The following ASL variants were observed in gnomAD, a reference collection of about 807,000 sequenced individuals.
The protein encoded by ASL is argininosuccinase.
ASL carries 51 observed loss-of-function variants against 69.1 expected under a neutral mutation model. That is an observed-to-expected ratio of 0.74 (90% CI 0.59 to 0.93). The LOEUF (loss-of-function observed/expected upper bound fraction) is 0.93. ASL is among the 40% of genes least tolerant of loss of function. The pLI is 0.00. For missense variants in ASL, 540 were observed against 623.9 expected, an observed-to-expected ratio of 0.87 and a Z score of 1.43; for synonymous variants, 241 against 247.6, an observed-to-expected ratio of 0.97 and a Z score of 0.25.
intron 14 of ASL, chr7:66,091,730 C>G (rs188153223): frequency 2.1e-6 from 1 of 465,842 alleles, no homozygotes; most frequent in African/African-American, 2.0e-5. Flanking sequence ...AAACAGAAAA[C>G]AAATCCTCCA....
In ASL at chr7:66,093,013, G is replaced by T; in HGVS notation, c.*101G>T. 6.6e-7 allele frequency: 1 copy of T among 1,523,694 alleles called. No individual in the cohort carries two copies. The allele number at this position is 1,523,694 out of a possible 1,614,324, so 94.4% of individuals were successfully genotyped here. ...CCTCGTTGCTGGGCTTTCGGGGCTG[G>T]CCAGTGGGGACAGTCAGGGACTGGA... On this transcript the variant is annotated 3_prime_UTR_variant, in exon 17 of 17. Transcript: ENST00000304874.
intron 5 of ASL, 40 bp from the exon 6 acceptor site, chr7:66,083,037 A>T (rs764262433): frequency 6.2e-7 from 1 of 1,612,524 alleles, no homozygotes; most frequent in Non-Finnish European, 8.5e-7. Flanking sequence ...CAGGGAAGCA[A>T]CACATCGGCC....
Position 66,078,256 on chromosome 7 carries a change from G to A in ASL, c.12+2163G>A, listed in dbSNP as rs191604045. ...CCAGTGATCAGGACCAGGGCCCCAC[G>A]TGGTGCTTTGCTGGAGATCTAGGCT... On this transcript the variant is annotated intron_variant, in intron 2 of 16. Coordinates refer to ENST00000304874, the MANE Select transcript of ASL (RefSeq NM_000048.4). 1.1e-4 allele frequency among the ~76,000 whole-genome samples: 16 copies of A among 152,298 alleles called. No homozygotes were observed. The East Asian group carries it at 2.7e-3, about 26-fold the overall frequency.
chr7:66,076,794 C>A (rs1321204032), intron 2 of ASL, among the ~76,000 whole-genome samples: 1 of 152,146 alleles, frequency 6.6e-6, no homozygotes, highest in African/African-American at 2.4e-5. Flanking sequence ...ATTATGAGGC[C>A]ATTGCTTTGG....
At position 66,076,241 on chromosome 7, in the gene ASL, C is replaced by T. The variant is rs1337335327; in HGVS notation, c.12+148C>T. On this transcript the variant is annotated intron_variant, in intron 2 of 16. Coordinates refer to ENST00000304874, the MANE Select transcript of ASL (RefSeq NM_000048.4). ...AGGAAGCCTGCACCCCCAGCCCTCC[C>T]GGGCGCATCATCTGGAGCCCAGCAG... is the stretch of plus-strand genomic sequence containing the variant. The T allele has an allele frequency of 1.5e-5, 16 of 1,072,472 alleles. No homozygotes were observed. In the African/African-American group the frequency reaches 2.4e-4, roughly 16 times the overall value. 66.4% of individuals were successfully genotyped at this position (1,072,472 alleles called of 1,614,324 possible).
At chr7:66,082,965 G>C in intron 5 of ASL, 29 bp downstream of exon 5, 1 of 1,612,452 alleles carries the variant, frequency 6.2e-7, no homozygotes, top group Non-Finnish European at 8.5e-7. Context: ...CCCCTGCTCC[G>C]TGTTGTCCCA....
chr7:66,089,199 GGGGCCTCT>G (rs759270998), intron 12 of ASL, 24 bp downstream of exon 12: 37 of 1,613,114 alleles, frequency 2.3e-5, no homozygotes, highest in Non-Finnish European at 2.7e-5. Flanking sequence ...GGGGAGGGGC[GGGGCCTCT>G]GGGCTGATGG....
At chr7:66,077,241 C>T (rs1159518835) in intron 2 of ASL, among the ~76,000 whole-genome samples, 1 of 152,040 alleles carries the variant, frequency 6.6e-6, no homozygotes, top group Non-Finnish European at 1.5e-5. Context: ...CCAGCCAGGG[C>T]AATGTAATGA....
chr7:66,083,082 C>A lies in ASL; in HGVS notation c.354C>A (p.Val118=). ...HTGRSRNDQV[V]TDLRLWMRQT... ...ACCATCTCCTCCTTGCACAGGTGGT[C>A]ACAGACCTCAGGCTGTGGATGCGGC... Residue 118 remains valine (V), a synonymous_variant, in exon 6 of 17, where the codon GTC becomes GTA. Coordinates refer to ENST00000304874, the MANE Select transcript of ASL (RefSeq NM_000048.4). The A allele has an allele frequency of 6.2e-7, 1 of 1,613,842 alleles. No individual in the cohort carries two copies. Among genetic ancestry groups the A allele is most frequent in the South Asian group, 1.1e-5 (1 of 91,050 alleles).
intron 10 of ASL, among the ~76,000 whole-genome samples, chr7:66,088,311 T>G (rs929585500): frequency 2.6e-5 from 4 of 151,980 alleles, no homozygotes; most frequent in South Asian, 4.1e-4. Flanking sequence ...TGAAACCCCA[T>G]CTCTACTAAA....
At chr7:66,084,414 G>A (rs1315026113) in intron 6 of ASL, among the ~76,000 whole-genome samples, 1 of 151,868 alleles carries the variant, frequency 6.6e-6, no homozygotes, top group African/African-American at 2.4e-5. Flanking sequence ...TGCCCGCGTC[G>A]GCCTGCCAAA....
chr7:66,091,812 A>AAAACATACAGGCC (rs1347090359), intron 14 of ASL, 194 bp from the exon 15 acceptor site: 1 of 638,350 alleles, frequency 1.6e-6, no homozygotes, highest in African/African-American at 1.8e-5. Flanking sequence ...ACAGGCCAGT[A>AAAACATACAGGCC]AGTGTTCATA....
chr7:66,079,680 C>T (rs1429175594), intron 2 of ASL, among the ~76,000 whole-genome samples: 1 of 152,072 alleles, frequency 6.6e-6, no homozygotes, highest in Non-Finnish European at 1.5e-5. Flanking sequence ...AGTGCAGTGG[C>T]GTGATCTTGG....
At position 66,086,397 on chromosome 7, in the gene ASL, G is replaced by A. The variant is rs12530898; in HGVS notation, c.447-188G>A. 0.036 allele frequency among the ~76,000 whole-genome samples: 5,488 copies of A among 152,228 alleles called. 155 individuals are homozygous for A. The highest frequency in any genetic ancestry group is 0.075 in the Middle Eastern group (22 of 294). ...CTCAGGCCCAGTCCTTGGTTCACAC[G>A]GTCCCACTTCCAGCTTCTTTTGCCC... On this transcript the variant is annotated intron_variant, in intron 6 of 16. Transcript: ENST00000304874.
chr7:66,083,544 TGTG>T (rs1786573012), intron 6 of ASL, among the ~76,000 whole-genome samples: 1 of 151,478 alleles, frequency 6.6e-6, no homozygotes, highest in Non-Finnish European at 1.5e-5. Context: ...AATTAGGCAA[TGTG>T]GTGGTGTGCG....
In ASL at chr7:66,088,922, G is replaced by A; in HGVS notation, c.833+1G>A. On this transcript the variant is annotated splice_donor_variant, in intron 11 of 16. Transcript: ENST00000304874. LOFTEE classifies it high-confidence loss of function. ...TCGTGCAGCTCTCAGATGCCTACAGGTAAGCCCTGAACTGCCACCTCCATC... is the reference window on the plus strand; with the variant it reads ...TCGTGCAGCTCTCAGATGCCTACAGATAAGCCCTGAACTGCCACCTCCATC... The A allele has an allele frequency of 6.2e-7, 1 of 1,613,616 alleles. No individual in the cohort carries two copies. The highest frequency in any genetic ancestry group is 2.2e-5 in the East Asian group (1 of 44,876).
intron 6 of ASL, among the ~76,000 whole-genome samples, chr7:66,084,119 T>G (rs1358152266): frequency 6.6e-6 from 1 of 151,878 alleles, no homozygotes; most frequent in Non-Finnish European, 1.5e-5. Flanking sequence ...TGTCTGCTAC[T>G]GAGTTCAGGG....
In ASL at chr7:66,092,923, A is replaced by G. The variant is rs199571661; in HGVS notation, c.*11A>G. Reference sequence around the variant, plus strand: ...GCACAGCAGGCCTAGGTCCTCCCACACCTGCCCCCTAATAAAGTGGGCGCG... The same window carrying G: ...GCACAGCAGGCCTAGGTCCTCCCACGCCTGCCCCCTAATAAAGTGGGCGCG... On this transcript the variant is annotated 3_prime_UTR_variant, in exon 17 of 17. Coordinates refer to ENST00000304874, the MANE Select transcript of ASL (RefSeq NM_000048.4). The G allele has an allele frequency of 1.5e-5, 24 of 1,602,754 alleles. No homozygotes were observed. In the East Asian group the frequency reaches 4.9e-4, roughly 33 times the overall value.
rs755245694 is a variant in ASL, at chr7:66,089,174, G to C, written c.917G>C (p.Arg306Pro). ...IRSKAGRVFGRCAGLLMTLKG... is the reference protein window; with the variant it reads ...IRSKAGRVFGPCAGLLMTLKG... ...AGCAAGGCTGGGCGTGTGTTTGGGCGGGTGAGCAAGGCAGGGGGAGGGGCG... is the reference window on the plus strand; with the variant it reads ...AGCAAGGCTGGGCGTGTGTTTGGGCCGGTGAGCAAGGCAGGGGGAGGGGCG... Residue 306 changes from arginine to proline, a missense_variant and splice_region_variant, in exon 12 of 17, where the codon CGG becomes CCG. Physicochemically the swap from Arg to Pro is moderately radical, Grantham distance 103. Coordinates refer to ENST00000304874, the MANE Select transcript of ASL (RefSeq NM_000048.4). 1.2e-6 allele frequency: 2 copies of C among 1,613,932 alleles called. No individual in the cohort carries two copies. The highest frequency in any genetic ancestry group is 1.7e-6 in the Non-Finnish European group (2 of 1,179,948).
Sources: gnomAD v4.1 joint callset for allele counts (sites outside exome capture counted in the v4.1 genomes callset) on GRCh38, gnomAD v4.1.1 for gene constraint, MANE v1.5 for transcripts, NCBI Gene and HGNC (gene_info 2026-07-23, HGNC 2026-07-21) for gene names.